Variants in IQSEC3 observed in about 807,000 individuals in gnomAD.
IQSEC3 encodes IQ motif and Sec7 domain ArfGEF 3, also known as IQ motif and SEC7 domain-containing protein 3.
IQSEC3 carries 50 observed loss-of-function variants against 105.4 expected under a neutral mutation model. That is an observed-to-expected ratio of 0.47 (90% CI 0.38 to 0.60). The LOEUF is 0.60. IQSEC3 is among the 20% of genes least tolerant of loss of function. IQSEC3 has a pLI of 0.00. For missense variants in IQSEC3, 1,415 were observed against 1,630.0 expected (o/e 0.87, Z 2.27); for synonymous variants, 708 against 746.0 (o/e 0.95, Z 0.83).
chr12:156,370 C>T (rs562310459), intron 5 of IQSEC3, among the ~76,000 whole-genome samples: 6 of 152,310 alleles, frequency 3.9e-5, no homozygotes, highest in Admixed American at 1.3e-4. Context: ...TCTGACCCTG[C>T]GTGTCACGCT....
At chr12:97,398 C>A (rs1555074981) in intron 1 of IQSEC3, among the ~76,000 whole-genome samples, 1 of 151,736 alleles carries the variant, frequency 6.6e-6, no homozygotes, top group Admixed American at 6.6e-5. Flanking sequence ...CTTTTCAGTT[C>A]TCCATTTTGT....
At chr12:126,572 T>TGCGC (rs1555083592) in intron 3 of IQSEC3, among the ~76,000 whole-genome samples, 1 of 151,384 alleles carries the variant, frequency 6.6e-6, no homozygotes, top group African/African-American at 2.4e-5. Context: ...TGTGTGTGTG[T>TGCGC]GCGCTTAGAG....
intron 11 of IQSEC3, chr12:167,635 T>C (rs1938737938): frequency 6.6e-6 from 1 of 150,576 alleles, no homozygotes; most frequent in South Asian, 2.1e-4. Flanking sequence ...ATCCTAGCAC[T>C]CTGGGAAGCT....
intron 4 of IQSEC3, chr12:140,638 C>T (rs1375610824): frequency 1.9e-5 from 3 of 156,558 alleles, no homozygotes; most frequent in African/African-American, 7.2e-5. Context: ...GGGAGGTTCT[C>T]AGTGCTTACC....
In IQSEC3 at chr12:165,357, T is replaced by TC. The variant is rs1867115944; in HGVS notation, c.2710-72dup. On this transcript the variant is annotated intron_variant, in intron 9 of 13. Transcript: ENST00000538872. ...CTGCGTGGGTTTGTGTGATCGTGCA[T>TC]CCCCCGGGTGTTTGTGCATCCATGT... The TC allele has an allele frequency of 4.7e-6, 5 of 1,074,574 alleles. No homozygotes were observed. In the African/African-American group the frequency reaches 6.2e-5, roughly 13 times the overall value. The allele number at this position is 1,074,574 out of a possible 1,614,324, so 66.6% of individuals were successfully genotyped here. A position where few individuals can be genotyped will look rare whatever the true frequency, so the allele number is the denominator to read the frequency against.
chr12:107,608 C>T (rs1238124992), intron 2 of IQSEC3, among the ~76,000 whole-genome samples: 2 of 151,810 alleles, frequency 1.3e-5, no homozygotes, highest in Non-Finnish European at 2.9e-5. Flanking sequence ...GACGGGGTTT[C>T]ACTGTGTTAG....
intron 6 of IQSEC3, 36 bp from the exon 7 acceptor site, chr12:157,492 G>GGGGGGGGGGGGGGGCCCCC: frequency 7.2e-7 from 1 of 1,389,476 alleles, no homozygotes; most frequent in East Asian, 2.8e-5. Flanking sequence ...GGTGGGCGGG[G>GGGGGGGGGGGGGGGCCCCC]GCTCAGCGTC....
chr12:165,566 G>GCCAGTGT (rs782000809), intron 10 of IQSEC3, 33 bp downstream of exon 10: 42 of 1,548,976 alleles, frequency 2.7e-5, no homozygotes, highest in Non-Finnish European at 3.5e-5. Context: ...AAGTCTTTGA[G>GCCAGTGT]AAGGAATGAA....
chr12:158,251 G>C (rs1338307877), intron 7 of IQSEC3, among the ~76,000 whole-genome samples: 4 of 151,998 alleles, frequency 2.6e-5, no homozygotes, highest in African/African-American at 7.3e-5. Flanking sequence ...ATCCTACAAG[G>C]CTTATCATAG....
At chr12:89,635 C>G (rs1483867531) in intron 1 of IQSEC3, among the ~76,000 whole-genome samples, 1 of 98,208 alleles carries the variant, frequency 1.0e-5, no homozygotes, top group African/African-American at 4.4e-5. Flanking sequence ...ATTGCTGAAA[C>G]TTACCTCTGT....
rs782445100 is a variant in IQSEC3 at position 165,792 on chromosome 12, A to G, written c.2873A>G (p.His958Arg). 1.1e-5 allele frequency: 18 copies of G among 1,613,912 alleles called. No individual in the cohort carries two copies. In the African/African-American group the frequency reaches 2.3e-4, roughly 20 times the overall value. Reference sequence around the variant, plus strand: ...GGCTCCGAGAAGAAGCAGGTGCTGCATTTCTGTGCCCTGGGCTCGGACGAG... The same window carrying G: ...GGCTCCGAGAAGAAGCAGGTGCTGCGTTTCTGTGCCCTGGGCTCGGACGAG... ...LSGSEKKQVL[H>R]FCALGSDEMQ... Residue 958 changes from histidine (H) to arginine (R), a missense_variant, in exon 11 of 14, where the codon CAT becomes CGT. By Grantham distance (29) the His-to-Arg change is conservative. Around this residue, in one of 6 missense-constraint regions of IQSEC3, gnomAD observed 419 missense variants for 436.2 expected, o/e 0.96. Coordinates refer to ENST00000538872, the MANE Select transcript of IQSEC3 (RefSeq NM_001170738.2).
chr12:85,739 T>A (rs1399118580), intron 1 of IQSEC3, among the ~76,000 whole-genome samples: 1 of 152,212 alleles, frequency 6.6e-6, no homozygotes, highest in Non-Finnish European at 1.5e-5. Flanking sequence ...GCCAAGGCTG[T>A]GATACTGAGC....
rs1863282300 is a variant in IQSEC3 at position 70,734 on chromosome 12, G to T, written c.554+3298G>T. ...CCCAACCACCAGTCATGCGTTTAGT[G>T]TCCATGGATGACAGGGCTTGTCCAT... On this transcript the variant is annotated intron_variant, in intron 1 of 13. Coordinates refer to ENST00000538872, the MANE Select transcript of IQSEC3 (RefSeq NM_001170738.2). 2.6e-5 allele frequency among the ~76,000 whole-genome samples: 4 copies of T among 152,282 alleles called. No homozygotes were observed. The South Asian group carries it at 8.3e-4, about 31-fold the overall frequency.
chr12:156,654 C>T (rs959878933), intron 5 of IQSEC3, among the ~76,000 whole-genome samples: 4 of 152,192 alleles, frequency 2.6e-5, no homozygotes, highest in Admixed American at 6.5e-5. Context: ...AGGCTCCTAG[C>T]GGGTCTCTGA....
In IQSEC3 at chr12:152,641, C is replaced by T. The variant is rs909546094; in HGVS notation, c.2154-4384C>T. Among the ~76,000 whole-genome samples, 9 of 152,282 alleles carry T rather than the reference C, an allele frequency of 5.9e-5. No homozygotes were observed. The highest frequency in any genetic ancestry group is 2.1e-4 in the South Asian group (1 of 4,826). On this transcript the variant is annotated intron_variant, in intron 5 of 13. Coordinates refer to ENST00000538872, the MANE Select transcript of IQSEC3 (RefSeq NM_001170738.2). The surrounding 1 kb of genome is among the most constrained non-coding windows in gnomAD (Gnocchi z 4.8). ...ACATAGTGAAGCACTTAGAGCCATACTCAGTACAGAGAGCTCAGAGGGAAC... is the reference window on the plus strand; with the variant it reads ...ACATAGTGAAGCACTTAGAGCCATATTCAGTACAGAGAGCTCAGAGGGAAC...
Position 139,047 on chromosome 12 carries a change from G to A in IQSEC3, c.1684G>A (p.Ala562Thr). ...DSCAEAAASG[A>T]ADGATAPKTE... ...ATGCGCAGAGGCTGCGGCTAGTGGG[G>A]CGGCGGATGGGGCCACAGCCCCCAA... Residue 562 changes from alanine (A) to threonine (T), a missense_variant, in exon 4 of 14, where the codon GCG (alanine) becomes ACG (threonine). By Grantham distance (58) the Ala-to-Thr change is moderately conservative (BLOSUM62 0). Around this residue, in one of 6 missense-constraint regions of IQSEC3, gnomAD observed 720 missense variants for 633.0 expected, o/e 1.14. Coordinates refer to ENST00000538872, the MANE Select transcript of IQSEC3 (RefSeq NM_001170738.2). 6.7e-7 allele frequency: 1 copy of A among 1,485,142 alleles called. No homozygotes were observed. The highest frequency in any genetic ancestry group is 1.3e-5 in the South Asian group (1 of 74,842). The allele number at this position is 1,485,142 out of a possible 1,614,324, so 92.0% of individuals were successfully genotyped here.
intron 7 of IQSEC3, among the ~76,000 whole-genome samples, chr12:158,648 G>C (rs562305173): frequency 6.6e-6 from 1 of 152,160 alleles, no homozygotes; most frequent in South Asian, 2.1e-4. Context: ...TTTATACTTT[G>C]GTATCTGGTC....
intron 2 of IQSEC3, among the ~76,000 whole-genome samples, chr12:113,258 C>T (rs947332095): frequency 4.6e-5 from 7 of 152,246 alleles, no homozygotes; most frequent in Non-Finnish European, 8.8e-5. Context: ...TGTCCTTCTG[C>T]TTACTTGATT....
At chr12:154,393 A>C (rs1866613809) in intron 5 of IQSEC3, among the ~76,000 whole-genome samples, 5 of 152,172 alleles carry the variant, frequency 3.3e-5, no homozygotes, top group Admixed American at 2.6e-4. Context: ...GACCTGGTCC[A>C]TAGCCCTGGG....
Sources: gnomAD v4.1 joint callset for allele counts (sites outside exome capture counted in the v4.1 genomes callset) on GRCh38, gnomAD v4.1.1 for gene constraint, gnomAD v4.1.1 regional missense constraint, Gnocchi (gnomAD v3.1) non-coding constraint, MANE v1.5 for transcripts, NCBI Gene and HGNC (gene_info 2026-07-23, HGNC 2026-07-21) for gene names.